The following PDE10A variants were observed in gnomAD, a reference collection of about 807,000 sequenced individuals.
PDE10A encodes the protein cAMP and cAMP-inhibited cGMP 3',5'-cyclic phosphodiesterase 10A.
A neutral mutation model predicts 97.7 loss-of-function variants in PDE10A; 39 were observed. That is an observed-to-expected ratio of 0.40 (90% CI 0.31 to 0.52). The LOEUF (loss-of-function observed/expected upper bound fraction) is 0.52, where lower values mean the gene tolerates loss of function less well. PDE10A is among the 20% of genes least tolerant of loss of function. The pLI is 0.56. For missense variants in PDE10A, 731 were observed against 1,047.8 expected (o/e 0.70, Z 4.17); for synonymous variants, 371 against 376.8 (o/e 0.98, Z 0.18).
At chr6:165,754,392 G>A (rs989543856) in intron 1 of PDE10A, 5 of 152,164 alleles carry the variant, frequency 3.3e-5, no homozygotes, top group Admixed American at 3.3e-4. Flanking sequence ...GGTCAGTATT[G>A]CTAAACTGAT....
chr6:165,744,258 A>G (rs1792795162), intron 1 of PDE10A, among the ~76,000 whole-genome samples: 1 of 152,242 alleles, frequency 6.6e-6, no homozygotes, highest in African/African-American at 2.4e-5. Flanking sequence ...AAAACAGATA[A>G]GGCATAAAAA....
chr6:165,468,751 C>T (rs942039804), intron 3 of PDE10A, among the ~76,000 whole-genome samples: 1 of 152,174 alleles, frequency 6.6e-6, no homozygotes, highest in African/African-American at 2.4e-5. Flanking sequence ...GCCTTTGTTG[C>T]CATCTTTAAC....
chr6:165,431,553 C>A (rs13193003), intron 7 of PDE10A, 81 bp from the exon 8 acceptor site: 56,392 of 225,676 alleles, frequency 0.25, 4,715 homozygotes, highest in African/African-American at 0.38. Flanking sequence ...TACTATATAT[C>A]ATATGTATAA....
chr6:165,584,631 T>C (rs1785804919), intron 1 of PDE10A, among the ~76,000 whole-genome samples: 1 of 152,206 alleles, frequency 6.6e-6, no homozygotes, highest in Non-Finnish European at 1.5e-5. Context: ...CTTGTCCTAA[T>C]CAACCACCTG....
At chr6:165,927,680 T>TATATATATATATATATATATA (rs60860187) in intron 1 of PDE10A, among the ~76,000 whole-genome samples, 1 of 50,934 alleles carries the variant, frequency 2.0e-5, no homozygotes, top group African/African-American at 8.3e-5. Flanking sequence ...ATATATATAG[T>TATATATATATATATATATATA]TTTTTGTTTG....
chr6:165,755,797 C>A (rs1276566455), intron 1 of PDE10A, among the ~76,000 whole-genome samples: 2 of 152,190 alleles, frequency 1.3e-5, no homozygotes, highest in Non-Finnish European at 2.9e-5. Context: ...GTCCCCACTC[C>A]CGGAGTCACA....
intron 5 of PDE10A, among the ~76,000 whole-genome samples, chr6:165,440,532 A>G (rs554633619): frequency 1.1e-4 from 16 of 152,316 alleles, no homozygotes; most frequent in African/African-American, 3.8e-4. Context: ...TAGAAAGCAC[A>G]GTAACTTTGG....
At chr6:165,424,485 A>G (rs1788969455) in intron 10 of PDE10A, among the ~76,000 whole-genome samples, 1 of 143,796 alleles carries the variant, frequency 7.0e-6, no homozygotes, top group African/African-American at 2.5e-5. Context: ...AGAATCAGAG[A>G]TCTACCCCAA....
intron 19 of PDE10A, among the ~76,000 whole-genome samples, chr6:165,340,240 C>A (rs574712665): frequency 6.6e-6 from 1 of 152,248 alleles, no homozygotes; most frequent in African/African-American, 2.4e-5. Context: ...CTTGTACAAT[C>A]TTCTTAAGAT....
At chr6:165,738,014 A>ATTTTT (rs1554314494) in intron 1 of PDE10A, among the ~76,000 whole-genome samples, 4 of 151,474 alleles carry the variant, frequency 2.6e-5, no homozygotes, top group Admixed American at 2.0e-4. Flanking sequence ...ATTTTATTTT[A>ATTTTT]TTTTTTTATT....
intron 5 of PDE10A, among the ~76,000 whole-genome samples, chr6:165,436,310 G>A (rs1790011738): frequency 6.6e-6 from 1 of 152,190 alleles, no homozygotes. Flanking sequence ...TACTAAGGTA[G>A]TTCTAAGGAT....
At chr6:165,374,780 A>ATTTTTATT in intron 18 of PDE10A, among the ~76,000 whole-genome samples, 1 of 148,462 alleles carries the variant, frequency 6.7e-6, no homozygotes. Context: ...TACAAATTGA[A>ATTTTTATT]GTTTTGTGGC....
At chr6:165,383,308 C>G (rs1785049589) in intron 17 of PDE10A, among the ~76,000 whole-genome samples, 1 of 152,110 alleles carries the variant, frequency 6.6e-6, no homozygotes. Flanking sequence ...TCATTCATAT[C>G]TTATGAGTAA....
upstream of PDE10A, among the ~76,000 whole-genome samples, chr6:165,665,494 T>C (rs1790475779): frequency 6.6e-6 from 1 of 152,230 alleles, no homozygotes; most frequent in Non-Finnish European, 1.5e-5. Flanking sequence ...GAGGGAACAC[T>C]GCATTCTGAT....
At chr6:165,453,908 C>T (rs1036300633) in intron 3 of PDE10A, among the ~76,000 whole-genome samples, 2 of 152,190 alleles carry the variant, frequency 1.3e-5, no homozygotes, top group African/African-American at 4.8e-5. Context: ...GAAGCTCAGG[C>T]ATGAGACACC....
At chr6:165,939,152 T>C (rs144543303) in intron 1 of PDE10A, among the ~76,000 whole-genome samples, 1 of 152,352 alleles carries the variant, frequency 6.6e-6, no homozygotes, top group East Asian at 1.9e-4. Context: ...TATAATATCC[T>C]TCTTTTGTAA....
intron 1 of PDE10A, among the ~76,000 whole-genome samples, chr6:165,669,044 C>G (rs984237704): frequency 1.3e-5 from 2 of 152,236 alleles, no homozygotes; most frequent in Non-Finnish European, 2.9e-5. Flanking sequence ...ACAGAAGGCT[C>G]CCGTCTAGAC....
At chr6:165,975,132 A>G (rs1398257797) in intron 1 of PDE10A, among the ~76,000 whole-genome samples, 3 of 152,174 alleles carry the variant, frequency 2.0e-5, no homozygotes, top group African/African-American at 7.2e-5. Context: ...TCTCCCCAAG[A>G]CTTGCTGATA....
Position 165,525,691 on chromosome 6 carries a change from TAC to T in PDE10A, c.994+17747_994+17748del, listed in dbSNP as rs531826159. 4.0e-3 allele frequency among the ~76,000 whole-genome samples: 606 copies of T among 152,208 alleles called. 2 individuals carry two copies. The highest frequency in any genetic ancestry group is 0.014 in the African/African-American group (577 of 41,532). ...CAGTCACTCAAATACCAAATTTAAA[TAC>T]AATGGAAATAACTGGATCCCAAGGT... On this transcript the variant is annotated intron_variant, in intron 2 of 21. Coordinates refer to ENST00000539869, the MANE Select transcript of PDE10A (RefSeq NM_001385079.1).
Sources: allele counts gnomAD v4.1 joint callset (sites outside exome capture counted in the v4.1 genomes callset), GRCh38; gene constraint gnomAD v4.1.1; transcripts MANE v1.5; gene names NCBI Gene and HGNC (gene_info 2026-07-23, HGNC 2026-07-21).